Variants in RANBP9 observed in about 807,000 individuals in gnomAD.
RANBP9 encodes RAN binding protein 9, also known as ran-binding protein 9.
In RANBP9, 15 loss-of-function variants were observed where a neutral mutation model predicts 84.3. The observed-to-expected ratio is 0.18, with a 90% CI of 0.12 to 0.27. The LOEUF (loss-of-function observed/expected upper bound fraction) is 0.27. Ranked by LOEUF, RANBP9 falls within the 10% of genes least tolerant of loss-of-function variation. The pLI, the probability that RANBP9 is intolerant of heterozygous loss-of-function variation, is 1.00. For synonymous variants in RANBP9, 392 were observed against 349.6 expected (o/e 1.12, Z -1.35); for missense variants, 809 against 912.8 (o/e 0.89, Z 1.46).
chr6:13,642,724 C>T (rs1169591951), intron 6 of RANBP9, 133 bp from the exon 7 acceptor site: 6 of 492,842 alleles, frequency 1.2e-5, no homozygotes, highest in African/African-American at 1.2e-4. Context: ...CGTTAAGAAC[C>T]TCACCTTTAA....
chr6:13,627,100 A>C (rs1764629756), intron 12 of RANBP9, among the ~76,000 whole-genome samples: 1 of 152,182 alleles, frequency 6.6e-6, no homozygotes. Flanking sequence ...TTTGAAGATA[A>C]AAATTATTTA....
intron 12 of RANBP9, among the ~76,000 whole-genome samples, chr6:13,626,725 A>G: frequency 6.6e-6 from 1 of 152,068 alleles, no homozygotes; most frequent in East Asian, 1.9e-4. Context: ...CAGGAACACA[A>G]CACTTTGAAA....
At chr6:13,631,398 T>C (rs1251476982) in intron 12 of RANBP9, among the ~76,000 whole-genome samples, 3 of 152,206 alleles carry the variant, frequency 2.0e-5, no homozygotes, top group Non-Finnish European at 4.4e-5. Flanking sequence ...TTTTTTCAAA[T>C]GTTAAAACAT....
intron 10 of RANBP9, among the ~76,000 whole-genome samples, chr6:13,636,719 G>A (rs1332394560): frequency 2.0e-5 from 3 of 152,104 alleles, no homozygotes; most frequent in South Asian, 2.1e-4. Flanking sequence ...TGTGAAAGAC[G>A]ATTTTTCTGC....
chr6:13,706,858 C>G (rs1428719850), intron 1 of RANBP9, among the ~76,000 whole-genome samples: 1 of 151,442 alleles, frequency 6.6e-6, no homozygotes, highest in Non-Finnish European at 1.5e-5. Flanking sequence ...AAGAATTAGC[C>G]GGACGTGGTG....
chr6:13,685,195 C>CA (rs1224520487), intron 2 of RANBP9, among the ~76,000 whole-genome samples: 2 of 151,784 alleles, frequency 1.3e-5, no homozygotes, highest in South Asian at 2.1e-4. Flanking sequence ...AAATTTCATG[C>CA]AAAAAAGAGT....
chr6:13,695,271 CAACT>C (rs1766413685), intron 2 of RANBP9, among the ~76,000 whole-genome samples: 2 of 152,234 alleles, frequency 1.3e-5, no homozygotes, highest in South Asian at 4.1e-4. Flanking sequence ...ACCCATCAAC[CAACT>C]ATCTGAGAGT....
At chr6:13,638,450 T>TA (rs1412807281) in intron 9 of RANBP9, among the ~76,000 whole-genome samples, 1 of 152,124 alleles carries the variant, frequency 6.6e-6, no homozygotes, top group African/African-American at 2.4e-5. Flanking sequence ...CTATCTGACT[T>TA]GTTTAAGAAT....
At chr6:13,689,004 A>AAAAAAAAAAAAAAAAAAAAAAAAAAAG in intron 2 of RANBP9, among the ~76,000 whole-genome samples, 1 of 108,996 alleles carries the variant, frequency 9.2e-6, no homozygotes, top group Non-Finnish European at 1.8e-5. Context: ...AAAAAAAAAA[A>AAAAAAAAAAAAAAAAAAAAAAAAAAAG]TGCTGGGCAT....
intron 2 of RANBP9, among the ~76,000 whole-genome samples, chr6:13,667,159 T>C (rs1318860169): frequency 1.3e-5 from 2 of 152,162 alleles, no homozygotes; most frequent in Non-Finnish European, 2.9e-5. Context: ...AAATTATGCA[T>C]TTATTAACAG....
At chr6:13,628,975 T>C (rs1764700277) in intron 12 of RANBP9, among the ~76,000 whole-genome samples, 1 of 63,256 alleles carries the variant, frequency 1.6e-5, no homozygotes, top group Non-Finnish European at 2.8e-5. Context: ...TAGAAATTTA[T>C]CTCAGTGGAA....
chr6:13,695,019 T>A (rs922933716), intron 2 of RANBP9, among the ~76,000 whole-genome samples: 3 of 152,176 alleles, frequency 2.0e-5, no homozygotes, highest in African/African-American at 7.2e-5. Context: ...AAGTTTACTA[T>A]GTGTAAAATA....
At chr6:13,663,227 C>T (rs956729933) in intron 2 of RANBP9, among the ~76,000 whole-genome samples, 2 of 151,876 alleles carry the variant, frequency 1.3e-5, no homozygotes, top group Non-Finnish European at 2.9e-5. Flanking sequence ...TTTCCACTGA[C>T]TTATTAGAAA....
At chr6:13,680,879 T>C (rs1766019461) in intron 2 of RANBP9, among the ~76,000 whole-genome samples, 1 of 152,106 alleles carries the variant, frequency 6.6e-6, no homozygotes, top group African/African-American at 2.4e-5. Flanking sequence ...CTTAAAAGAA[T>C]ATTGTTCCCA....
At chr6:13,643,149 CTAAT>C (rs1765105392) in intron 6 of RANBP9, among the ~76,000 whole-genome samples, 1 of 152,144 alleles carries the variant, frequency 6.6e-6, no homozygotes, top group African/African-American at 2.4e-5. Flanking sequence ...AAGTGTACTA[CTAAT>C]TAAAGGAGGA....
intron 12 of RANBP9, among the ~76,000 whole-genome samples, chr6:13,628,009 A>C (rs1243224914): frequency 6.6e-6 from 1 of 152,180 alleles, no homozygotes; most frequent in Non-Finnish European, 1.5e-5. Flanking sequence ...GTGTTTAAAA[A>C]CTCAGAGAAA....
At chr6:13,652,759 A>G (rs1468031367) in intron 4 of RANBP9, 78 bp from the exon 5 acceptor site, 18 of 1,271,664 alleles carry the variant, frequency 1.4e-5, no homozygotes, top group Admixed American at 4.5e-5. Flanking sequence ...TTCTAACTAA[A>G]AGGAGGAAAC....
At chr6:13,662,139 G>A (rs1170210049) in intron 2 of RANBP9, among the ~76,000 whole-genome samples, 1 of 152,094 alleles carries the variant, frequency 6.6e-6, no homozygotes, top group Admixed American at 6.5e-5. Flanking sequence ...AATCAGCACA[G>A]AAAATGACAA....
At chr6:13,677,935 A>C (rs1034983639) in intron 2 of RANBP9, among the ~76,000 whole-genome samples, 4 of 152,008 alleles carry the variant, frequency 2.6e-5, no homozygotes, top group Non-Finnish European at 5.9e-5. Flanking sequence ...CTGGGCAACA[A>C]GGCAAAACCC....
Sources: gnomAD v4.1 joint callset for allele counts (sites outside exome capture counted in the v4.1 genomes callset) on GRCh38, gnomAD v4.1.1 for gene constraint, MANE v1.5 for transcripts, NCBI Gene and HGNC (gene_info 2026-07-23, HGNC 2026-07-21) for gene names.